The following ADCY2 variants were observed in gnomAD, a reference collection of about 807,000 sequenced individuals.
ADCY2 encodes adenylate cyclase type 2.
A neutral mutation model predicts 125.2 loss-of-function variants in ADCY2; 31 were observed. The ratio of observed to expected loss-of-function variants is 0.25; its 90% CI spans 0.19 to 0.33. The LOEUF is 0.33. Among genes scored for constraint, ADCY2 ranks in the 10% least tolerant of loss-of-function variants. ADCY2 has a pLI of 1.00. For missense variants in ADCY2, 904 were observed against 1,418.2 expected (o/e 0.64, Z 5.82); for synonymous variants, 512 against 548.4 (o/e 0.93, Z 0.93).
intron 11 of ADCY2, among the ~76,000 whole-genome samples, chr5:7,713,757 A>G (rs940767897): frequency 5.3e-5 from 8 of 152,150 alleles, no homozygotes; most frequent in African/African-American, 1.7e-4. Flanking sequence ...AATCAAATCA[A>G]TATTAGGACA....
At chr5:7,538,267 T>A (rs1000326341) in intron 3 of ADCY2, among the ~76,000 whole-genome samples, 1 of 152,292 alleles carries the variant, frequency 6.6e-6, no homozygotes, top group African/African-American at 2.4e-5. Flanking sequence ...CAGGAAGACT[T>A]GAGCTCCAAT....
chr5:7,717,843 G>T (rs574875684), intron 12 of ADCY2, among the ~76,000 whole-genome samples: 2 of 152,158 alleles, frequency 1.3e-5, no homozygotes, highest in African/African-American at 2.4e-5. Flanking sequence ...TGTTCTCCTT[G>T]GGTACGTGTG....
At chr5:7,703,841 C>T (rs1741170663) in intron 7 of ADCY2, among the ~76,000 whole-genome samples, 1 of 151,754 alleles carries the variant, frequency 6.6e-6, no homozygotes, top group African/African-American at 2.4e-5. Context: ...CCTGTTTCTA[C>T]AAAAATACAA....
chr5:7,718,733 T>C (rs1263333173), intron 12 of ADCY2, among the ~76,000 whole-genome samples: 1 of 152,146 alleles, frequency 6.6e-6, no homozygotes, highest in Admixed American at 6.5e-5. Flanking sequence ...GGGCCAATGC[T>C]CTGTTTTGCC....
intron 14 of ADCY2, among the ~76,000 whole-genome samples, chr5:7,731,686 C>T (rs57459731): frequency 0.045 from 6,771 of 152,152 alleles, 496 homozygotes; most frequent in African/African-American, 0.15. Flanking sequence ...TCACTGCAAC[C>T]TCTGCCTCCC....
chr5:7,807,014 T>C (rs1024685193), intron 22 of ADCY2, among the ~76,000 whole-genome samples: 33 of 152,280 alleles, frequency 2.2e-4, no homozygotes, highest in African/African-American at 7.2e-4. Flanking sequence ...GCTCATCTAA[T>C]GAGGGCCATC....
chr5:7,762,063 T>C (rs1037989248), intron 16 of ADCY2, among the ~76,000 whole-genome samples: 17 of 152,206 alleles, frequency 1.1e-4, no homozygotes, highest in African/African-American at 4.1e-4. Context: ...TCTGTAGCAG[T>C]AGGAGCAGGA....
chr5:7,572,769 A>G (rs1736105533), intron 3 of ADCY2, among the ~76,000 whole-genome samples: 1 of 152,046 alleles, frequency 6.6e-6, no homozygotes, highest in Admixed American at 6.6e-5. Context: ...GTTTAGCGTT[A>G]TACATTTAAG....
At chr5:7,672,786 T>A (rs1420845337) in intron 4 of ADCY2, among the ~76,000 whole-genome samples, 1 of 152,212 alleles carries the variant, frequency 6.6e-6, no homozygotes, top group Non-Finnish European at 1.5e-5. Flanking sequence ...GCACATTGGC[T>A]ATGGCTGCTT....
chr5:7,792,217 C>CAAAAAA (rs57224712), intron 20 of ADCY2, among the ~76,000 whole-genome samples: 12 of 99,444 alleles, frequency 1.2e-4, no homozygotes, highest in African/African-American at 3.0e-4. Context: ...ACTAAAAATA[C>CAAAAAA]AAAAAAAAAA....
chr5:7,413,031 G>A (rs979935395), intron 1 of ADCY2, among the ~76,000 whole-genome samples: 2 of 152,234 alleles, frequency 1.3e-5, no homozygotes, highest in African/African-American at 4.8e-5. Context: ...GAGAGAAAGG[G>A]AAACGATGTC....
chr5:7,407,486 A>C (rs530274355), intron 1 of ADCY2, among the ~76,000 whole-genome samples: 11 of 152,250 alleles, frequency 7.2e-5, no homozygotes, highest in Admixed American at 4.6e-4. Flanking sequence ...AGAGAGAGAG[A>C]GAGCGAGCAA....
intron 18 of ADCY2, among the ~76,000 whole-genome samples, chr5:7,773,719 T>C (rs1393991734): frequency 6.6e-6 from 1 of 152,202 alleles, no homozygotes; most frequent in Non-Finnish European, 1.5e-5. Flanking sequence ...TGTGGAGAAA[T>C]TGACTTCCAA....
At chr5:7,628,699 C>G (rs1322338041) in intron 4 of ADCY2, among the ~76,000 whole-genome samples, 1 of 152,104 alleles carries the variant, frequency 6.6e-6, no homozygotes, top group Non-Finnish European at 1.5e-5. Flanking sequence ...TTTCCAGAGT[C>G]TACTCCTAGA....
At chr5:7,572,659 T>C (rs986977831) in intron 3 of ADCY2, among the ~76,000 whole-genome samples, 2 of 152,304 alleles carry the variant, frequency 1.3e-5, no homozygotes, top group East Asian at 1.9e-4. Context: ...TGTCAATTTT[T>C]GCTTTCGTTG....
intron 22 of ADCY2, among the ~76,000 whole-genome samples, chr5:7,813,600 G>A (rs558319490): frequency 1.3e-5 from 2 of 152,304 alleles, no homozygotes; most frequent in African/African-American, 4.8e-5. Context: ...GGTATTTATC[G>A]AGACCAAACT....
intron 2 of ADCY2, among the ~76,000 whole-genome samples, chr5:7,435,089 C>A (rs1186792309): frequency 6.6e-6 from 1 of 152,112 alleles, no homozygotes; most frequent in Non-Finnish European, 1.5e-5. Flanking sequence ...GTTCTCCTTG[C>A]GTGTTTTCTT....
chr5:7,606,302 T>C (rs985104123), intron 3 of ADCY2, among the ~76,000 whole-genome samples: 1 of 152,112 alleles, frequency 6.6e-6, no homozygotes, highest in African/African-American at 2.4e-5. Flanking sequence ...GTGGCCCAGG[T>C]TTGGATATGG....
At chr5:7,708,675 C>T (rs1741341792) in intron 9 of ADCY2, among the ~76,000 whole-genome samples, 1 of 152,178 alleles carries the variant, frequency 6.6e-6, no homozygotes, top group African/African-American at 2.4e-5. Flanking sequence ...ATGGTAGCAT[C>T]TGGGAAGCCC....
Sources: allele counts gnomAD v4.1 joint callset (sites outside exome capture counted in the v4.1 genomes callset), GRCh38; gene constraint gnomAD v4.1.1; transcripts MANE v1.5; gene names NCBI Gene and HGNC (gene_info 2026-07-23, HGNC 2026-07-21).